ECH1: variants seen among roughly 807,000 people sequenced by gnomAD.
ECH1 encodes the protein delta(3,5)-Delta(2,4)-dienoyl-CoA isomerase, mitochondrial.
In ECH1, 30 loss-of-function variants were observed where a neutral mutation model predicts 37.0. The ratio of observed to expected loss-of-function variants is 0.81; its 90% CI spans 0.61 to 1.10. The LOEUF is 1.10. Ranked by LOEUF, ECH1 falls within the 50% of genes least tolerant of loss-of-function variation. The pLI is 0.00. For missense variants in ECH1, 456 were observed against 441.6 expected (o/e 1.03, Z -0.29); for synonymous variants, 178 against 176.0 (o/e 1.01, Z -0.09).
At chr19:38,818,677 G>A (rs1338774233) in intron 3 of ECH1, among the ~76,000 whole-genome samples, 2 of 151,948 alleles carry the variant, frequency 1.3e-5, no homozygotes, top group East Asian at 1.9e-4. Context: ...TAGTAGAGAC[G>A]GGGTTTTGCC....
At chr19:38,824,656 A>C (rs572682037) in intron 3 of ECH1, among the ~76,000 whole-genome samples, 1 of 152,304 alleles carries the variant, frequency 6.6e-6, no homozygotes, top group East Asian at 1.9e-4. Context: ...GTAAGAGGGA[A>C]GGCAAATGGA....
chr19:38,823,784 C>CG (rs997651113), intron 3 of ECH1, among the ~76,000 whole-genome samples: 1 of 152,222 alleles, frequency 6.6e-6, no homozygotes, highest in Non-Finnish European at 1.5e-5. Flanking sequence ...CTCTTGCCCC[C>CG]GGGTCCTAAT....
chr19:38,818,592 A>G (rs565684818), intron 3 of ECH1, among the ~76,000 whole-genome samples: 1 of 151,816 alleles, frequency 6.6e-6, no homozygotes, highest in Middle Eastern at 3.4e-3. Context: ...GGTTCAAGTG[A>G]TTCTCCTACC....
At chr19:38,825,059 G>T (rs375091789) in intron 3 of ECH1, among the ~76,000 whole-genome samples, 3 of 152,186 alleles carry the variant, frequency 2.0e-5, no homozygotes, top group African/African-American at 7.2e-5. Flanking sequence ...TTTCGACCTC[G>T]CTTGGAGAGA....
intron 1 of ECH1, 79 bp from the exon 2 acceptor site, chr19:38,831,595 G>C (rs780791815): frequency 1.0e-4 from 155 of 1,557,146 alleles, no homozygotes; most frequent in Non-Finnish European, 1.3e-4. Flanking sequence ...CTTCAAAAGG[G>C]AGCACACGCA....
intron 5 of ECH1, 63 bp downstream of exon 5, chr19:38,817,253 G>C (rs73933065): frequency 0.14 from 214,577 of 1,530,606 alleles, 16,454 homozygotes; most frequent in South Asian, 0.28. Flanking sequence ...GCCAGTGGCC[G>C]CGGCATCGGA....
chr19:38,824,784 C>G (rs754835201), intron 3 of ECH1, among the ~76,000 whole-genome samples: 8 of 152,224 alleles, frequency 5.3e-5, no homozygotes, highest in Non-Finnish European at 8.8e-5. Flanking sequence ...CCTAGCCTCC[C>G]TATAGCTCCC....
At chr19:38,826,689 T>C (rs546702614) in intron 3 of ECH1, among the ~76,000 whole-genome samples, 1 of 152,186 alleles carries the variant, frequency 6.6e-6, no homozygotes, top group Non-Finnish European at 1.5e-5. Context: ...AGTTTCTCTT[T>C]GCCTTTGAGG....
intron 3 of ECH1, among the ~76,000 whole-genome samples, chr19:38,819,407 G>A (rs1016799087): frequency 5.3e-5 from 8 of 152,082 alleles, no homozygotes; most frequent in South Asian, 2.1e-4. Context: ...CCCATCCCCC[G>A]CATCCTGACC....
intron 3 of ECH1, among the ~76,000 whole-genome samples, chr19:38,822,173 T>C (rs1207416682): frequency 6.6e-6 from 1 of 151,590 alleles, no homozygotes; most frequent in African/African-American, 2.4e-5. Context: ...GTCTAGCTCA[T>C]CTGGTGGGGA....
Position 38,825,753 on chromosome 19 carries a change from TAAA to T in ECH1, c.349+5322_349+5324del, listed in dbSNP as rs113587924. ...TATCATGCGGTTTACTAGGACACTTTAAAAAAGATTGTCCAATGAGAAACAAGC... is the reference window on the plus strand; with the variant it reads ...TATCATGCGGTTTACTAGGACACTTTAAAGATTGTCCAATGAGAAACAAGC... On this transcript the variant is annotated intron_variant, in intron 3 of 9. Coordinates refer to ENST00000221418, the MANE Select transcript of ECH1 (RefSeq NM_001398.3). 5.3e-5 allele frequency among the ~76,000 whole-genome samples: 8 copies of T among 152,236 alleles called. No homozygotes were observed. In the East Asian group the frequency reaches 1.5e-3, roughly 29 times the overall value.
chr19:38,818,106 C>T, intron 3 of ECH1: 1 of 602,840 alleles, frequency 1.7e-6, no homozygotes, highest in Non-Finnish European at 2.1e-6. Flanking sequence ...GATCCTCCCA[C>T]CTTGGCATCC....
intron 3 of ECH1, among the ~76,000 whole-genome samples, chr19:38,829,549 A>G (rs1476618473): frequency 1.3e-5 from 2 of 151,748 alleles, no homozygotes; most frequent in East Asian, 2.0e-4. Context: ...TGGGCGTGGT[A>G]GCTCACGCCT....
intron 3 of ECH1, among the ~76,000 whole-genome samples, chr19:38,825,588 A>C (rs1568360386): frequency 6.6e-6 from 1 of 152,218 alleles, no homozygotes; most frequent in East Asian, 1.9e-4. Flanking sequence ...GTGTTCTATA[A>C]TAGGGACCAA....
chr19:38,831,547 C>A (rs752524035), intron 1 of ECH1, 31 bp from the exon 2 acceptor site: 1 of 1,595,738 alleles, frequency 6.3e-7, no homozygotes, highest in Non-Finnish European at 8.6e-7. Context: ...TTTGATGACC[C>A]CAGACTGCAA....
chr19:38,820,149 C>A (rs1459199334), intron 3 of ECH1: 1 of 228,246 alleles, frequency 4.4e-6, no homozygotes, highest in South Asian at 1.6e-4. Flanking sequence ...CAAGCTCCGC[C>A]TCCTGGGTTC....
At chr19:38,829,282 C>T (rs1274012903) in intron 3 of ECH1, among the ~76,000 whole-genome samples, 37 of 89,782 alleles carry the variant, frequency 4.1e-4, no homozygotes, top group Non-Finnish European at 7.3e-4. Flanking sequence ...GAGACTCCTT[C>T]TCCAAAAAAA....
chr19:38,831,107 A>T lies in ECH1; in HGVS notation c.320T>A (p.Ile107Asn). Residue 107 changes from isoleucine (I) to asparagine (N), a missense_variant, in exon 3 of 10, where the codon ATC becomes AAC. Physicochemically the swap from Ile to Asn is moderately radical, Grantham distance 149. Coordinates refer to ENST00000221418, the MANE Select transcript of ECH1 (RefSeq NM_001398.3). Reference sequence around the variant, plus strand: ...AGTGAACATTTTTCCTGCACCAGAGATCACCACCGCCCGACAGTCAGCGTC... The same window carrying T: ...AGTGAACATTTTTCCTGCACCAGAGTTCACCACCGCCCGACAGTCAGCGTC... Reference protein sequence around the residue: ...SRDADCRAVVISGAGKMFTAG... With the variant: ...SRDADCRAVVNSGAGKMFTAG... The T allele has an allele frequency of 1.2e-6, 2 of 1,613,894 alleles. No individual in the cohort carries two copies. The highest frequency in any genetic ancestry group is 1.7e-6 in the Non-Finnish European group (2 of 1,179,956).
chr19:38,817,330 C>T lies in ECH1; in HGVS notation c.509G>A (p.Gly170Asp). The T allele has an allele frequency of 6.4e-7, 1 of 1,568,364 alleles. No homozygotes were observed. The highest frequency in any genetic ancestry group is 8.7e-7 in the Non-Finnish European group (1 of 1,154,242). The change falls in exon 5 of 10, where the codon GGC becomes GAC. Residue 170 changes from glycine to aspartate, a missense_variant. Physicochemically the swap from Gly to Asp is moderately conservative, Grantham distance 94. Transcript: ENST00000221418. ...PKPVIAAVHG[G>D]CIGGGVDLVT... is the part of the protein sequence containing the mutation. Reference sequence around the variant, plus strand: ...CGCAGACTCACCTCCGCCAATGCAGCCCCCATGGACGGCAGCAATCACGGG... The same window carrying T: ...CGCAGACTCACCTCCGCCAATGCAGTCCCCATGGACGGCAGCAATCACGGG...
Sources: allele counts gnomAD v4.1 joint callset (sites outside exome capture counted in the v4.1 genomes callset), GRCh38; gene constraint gnomAD v4.1.1; transcripts MANE v1.5; gene names NCBI Gene and HGNC (gene_info 2026-07-23, HGNC 2026-07-21).